Variants in LHFPL3 observed in about 807,000 individuals in gnomAD.
The protein encoded by LHFPL3 is LHFPL tetraspan subfamily member 3 protein.
Under a neutral mutation model 19.3 loss-of-function variants are expected in LHFPL3, and 5 were observed. That is an observed-to-expected ratio of 0.26 (90% confidence interval 0.14 to 0.54). LHFPL3 has a LOEUF of 0.54. Among genes scored for constraint, LHFPL3 ranks in the 20% least tolerant of loss-of-function variants. The pLI, the probability that LHFPL3 is intolerant of heterozygous loss-of-function variation, is 0.94. For synonymous variants in LHFPL3, 133 were observed against 126.2 expected (o/e 1.05, Z -0.36); for missense variants, 249 against 307.4 (o/e 0.81, Z 1.42).
chr7:104,359,629 G>T (rs904350361), intron 1 of LHFPL3, among the ~76,000 whole-genome samples: 1 of 152,210 alleles, frequency 6.6e-6, no homozygotes, highest in Non-Finnish European at 1.5e-5. Context: ...TAATCTTTGT[G>T]GGAGAAAGAA....
chr7:104,454,855 G>T (rs922649668), intron 1 of LHFPL3, among the ~76,000 whole-genome samples: 1 of 152,050 alleles, frequency 6.6e-6, no homozygotes, highest in African/African-American at 2.4e-5. Context: ...TTATAATTTT[G>T]TTCCTATATT....
intron 1 of LHFPL3, among the ~76,000 whole-genome samples, chr7:104,652,937 A>G (rs1464210997): frequency 1.3e-5 from 2 of 152,078 alleles, no homozygotes; most frequent in African/African-American, 4.8e-5. Flanking sequence ...GAGGCTATTC[A>G]TTGTGATTGG....
At chr7:104,758,926 T>C (rs1794330502) in intron 2 of LHFPL3, among the ~76,000 whole-genome samples, 1 of 152,210 alleles carries the variant, frequency 6.6e-6, no homozygotes, top group African/African-American at 2.4e-5. Flanking sequence ...CTGTGTTGTC[T>C]TGAATAATTT....
At chr7:104,552,662 T>A (rs1299169346) in intron 1 of LHFPL3, among the ~76,000 whole-genome samples, 3 of 152,216 alleles carry the variant, frequency 2.0e-5, no homozygotes, top group Non-Finnish European at 2.9e-5. Flanking sequence ...TGGCCATTCC[T>A]AAGATAGTGC....
At chr7:104,360,293 C>T (rs1790365786) in intron 1 of LHFPL3, among the ~76,000 whole-genome samples, 1 of 152,198 alleles carries the variant, frequency 6.6e-6, no homozygotes, top group Non-Finnish European at 1.5e-5. Context: ...TCCAATGTAT[C>T]ATGTTCCACA....
At chr7:104,543,651 A>G (rs1272380902) in intron 1 of LHFPL3, among the ~76,000 whole-genome samples, 1 of 151,200 alleles carries the variant, frequency 6.6e-6, no homozygotes, top group African/African-American at 2.4e-5. Context: ...ATTCTCAGCA[A>G]ACTATCGCAA....
At chr7:104,833,336 GAT>G (rs1426699628) in intron 2 of LHFPL3, among the ~76,000 whole-genome samples, 86 of 3,246 alleles carry the variant, frequency 0.026, no homozygotes, top group Non-Finnish European at 0.03. Context: ...TATATAATAG[GAT>G]ATATATATAT....
chr7:104,329,025 C>T lies in LHFPL3; in HGVS notation c.246C>T (p.Asn82=). 6.2e-7 allele frequency: 1 copy of T among 1,614,072 alleles called. No homozygotes were observed. The highest frequency in any genetic ancestry group is 8.5e-7 in the Non-Finnish European group (1 of 1,179,914). Residue 82 remains asparagine, a synonymous_variant, in exon 1 of 3, where the codon AAC becomes AAT. Coordinates refer to ENST00000424859, the MANE Select transcript of LHFPL3 (RefSeq NM_199000.3). ...YFGLFHYCIG[N]GFSRELTCRG... ...GGCTCTTCCACTACTGCATCGGCAA[C>T]GGCTTCTCCCGGGAGCTGACCTGCA... is the stretch of plus-strand genomic sequence containing the variant.
chr7:104,590,259 C>A (rs6465998), intron 1 of LHFPL3, among the ~76,000 whole-genome samples: 146,738 of 152,208 alleles, frequency 0.96, 70,945 homozygotes, highest in East Asian at 1. Context: ...TAGTGCTATA[C>A]GTTTCCCTCT....
rs1165877638 is a variant in LHFPL3, at chr7:104,558,521, G to C, written c.446-178154G>C. On this transcript the variant is annotated intron_variant, in intron 1 of 2. Coordinates refer to ENST00000424859, the MANE Select transcript of LHFPL3 (RefSeq NM_199000.3). ...CATGTCATTCGCCCACTTTTTGATGGGGTTGTTTGTTTTTTTCTTGTAAAT... is the reference window on the plus strand; with the variant it reads ...CATGTCATTCGCCCACTTTTTGATGCGGTTGTTTGTTTTTTTCTTGTAAAT... Among the ~76,000 whole-genome samples the C allele has an allele frequency of 3.9e-5, 6 of 151,918 alleles. No individual in the cohort carries two copies. In the East Asian group the frequency reaches 1.2e-3, roughly 29 times the overall value.
At chr7:104,507,113 G>A (rs1196406317) in intron 1 of LHFPL3, among the ~76,000 whole-genome samples, 3 of 152,112 alleles carry the variant, frequency 2.0e-5, no homozygotes, top group East Asian at 3.8e-4. Flanking sequence ...GCTGAAAGGG[G>A]AGTTTATAAC....
intron 1 of LHFPL3, among the ~76,000 whole-genome samples, chr7:104,603,665 T>A (rs1314592636): frequency 6.6e-6 from 1 of 152,130 alleles, no homozygotes. Flanking sequence ...CAAAATACAG[T>A]GGTAGGACAG....
chr7:104,407,309 A>G (rs936286419), intron 1 of LHFPL3, among the ~76,000 whole-genome samples: 3 of 152,244 alleles, frequency 2.0e-5, no homozygotes, highest in South Asian at 2.1e-4. Context: ...GGCAAGTTCT[A>G]TAAGATGAGC....
rs77156909 is a variant in LHFPL3, at chr7:104,585,866, T to A, written c.446-150809T>A. 4.6e-3 allele frequency among the ~76,000 whole-genome samples: 701 copies of A among 152,222 alleles called. 21 individuals are homozygous for A. Among genetic ancestry groups the A allele is most frequent in the East Asian group, 6.2e-3 (32 of 5,188 alleles). ...ATCTGGTACCCAAGGATTTCATTTA[T>A]CTTTTAAATCTAGTTGCTGCAAAAT... On this transcript the variant is annotated intron_variant, in intron 1 of 2. Transcript: ENST00000424859.
chr7:104,493,421 C>G (rs1420368429), intron 1 of LHFPL3, among the ~76,000 whole-genome samples: 1 of 151,788 alleles, frequency 6.6e-6, no homozygotes, highest in Non-Finnish European at 1.5e-5. Flanking sequence ...TCTGTGATGG[C>G]CTCCTGATCT....
intron 2 of LHFPL3, among the ~76,000 whole-genome samples, chr7:104,839,184 C>T (rs187864944): frequency 2.9e-4 from 44 of 152,264 alleles, no homozygotes; most frequent in African/African-American, 1.0e-3. Flanking sequence ...AGCCACCTGT[C>T]ACCCCAGAGG....
intron 2 of LHFPL3, among the ~76,000 whole-genome samples, chr7:104,827,218 G>A (rs1790841698): frequency 6.6e-6 from 1 of 151,998 alleles, no homozygotes. Context: ...TCTCCATGTG[G>A]TACCTCTTCG....
At chr7:104,478,411 G>A (rs1793068418) in intron 1 of LHFPL3, among the ~76,000 whole-genome samples, 1 of 152,090 alleles carries the variant, frequency 6.6e-6, no homozygotes, top group African/African-American at 2.4e-5. Context: ...TTTGATGTCT[G>A]CTTTTTCTGT....
intron 1 of LHFPL3, among the ~76,000 whole-genome samples, chr7:104,675,850 C>CT (rs35063333): frequency 0.5 from 75,488 of 151,836 alleles, 19,125 homozygotes; most frequent in South Asian, 0.65. Context: ...CAGGACTTCC[C>CT]TTTTAGATAT....
Sources: allele counts gnomAD v4.1 joint callset (sites outside exome capture counted in the v4.1 genomes callset), GRCh38; gene constraint gnomAD v4.1.1; transcripts MANE v1.5; gene names NCBI Gene and HGNC (gene_info 2026-07-23, HGNC 2026-07-21).